The following PXK variants were observed in gnomAD, a reference collection of about 807,000 sequenced individuals.
PXK encodes the protein PX domain-containing protein kinase-like protein.
A neutral mutation model predicts 84.7 loss-of-function variants in PXK; 35 were observed. That is an observed-to-expected ratio of 0.41 (90% CI 0.32 to 0.55). PXK has a LOEUF of 0.55. Among genes scored for constraint, PXK ranks in the 20% least tolerant of loss-of-function variants. PXK has a pLI of 0.21. For synonymous variants in PXK, 253 were observed against 260.8 expected (o/e 0.97, Z 0.29); for missense variants, 634 against 699.7 (o/e 0.91, Z 1.06).
chr3:58,371,982 A>G (rs189098168), intron 3 of PXK, among the ~76,000 whole-genome samples: 6 of 152,342 alleles, frequency 3.9e-5, no homozygotes, highest in Non-Finnish European at 5.9e-5. Flanking sequence ...TCAGTGTCCA[A>G]TTACCCTTTT....
chr3:58,420,513 C>T (rs2061668639), intron 17 of PXK: 1 of 1,535,304 alleles, frequency 6.5e-7, no homozygotes, highest in South Asian at 1.2e-5. Flanking sequence ...CCCCCTTTCT[C>T]TCTCTCTCTT....
chr3:58,386,293 T>TTTTTTTTTTTTTTTG, intron 4 of PXK, among the ~76,000 whole-genome samples: 1 of 120,086 alleles, frequency 8.3e-6, no homozygotes, highest in Non-Finnish European at 1.7e-5. Context: ...CCCCTTACTT[T>TTTTTTTTTTTTTTTG]TTTTTTTTTT....
chr3:58,369,290 A>G (rs570294235), intron 2 of PXK, 141 bp from the exon 3 acceptor site: 24 of 552,234 alleles, frequency 4.3e-5, no homozygotes, highest in South Asian at 2.1e-4. Context: ...ACAGTTAAGC[A>G]CCAGGTATAA....
Position 58,333,065 on chromosome 3 carries a change from C to A in PXK, c.77C>A (p.Ala26Glu), listed in dbSNP as rs1335607183. ...GTGCCGCTGACAGCAGCCATCGAGG[C>A]GAGCCAGAGCCTGCAGTCCCACACG... is the stretch of plus-strand genomic sequence containing the variant. ...DTVPLTAAIE[A>E]SQSLQSHTEY... Residue 26 changes from alanine (A) to glutamate (E), a missense_variant, in exon 1 of 18, where the codon GCG becomes GAG. Physicochemically the swap from Ala to Glu is moderately radical, Grantham distance 107. This residue lies in a region of PXK where 353 missense variants were observed against 385.2 expected (regional missense o/e 0.92). Coordinates refer to ENST00000356151, the MANE Select transcript of PXK (RefSeq NM_017771.5). This position sits in a 1 kb window ranked among gnomAD's most constrained non-coding sequence, Gnocchi z 5.4. The A allele has an allele frequency of 2.5e-5, 33 of 1,327,486 alleles. No individual in the cohort carries two copies. Among genetic ancestry groups the A allele is most frequent in the Non-Finnish European group, 3.2e-5 (33 of 1,024,052 alleles). 82.2% of individuals were successfully genotyped at this position (1,327,486 alleles called of 1,614,324 possible).
chr3:58,336,891 C>A (rs773988052), intron 1 of PXK, among the ~76,000 whole-genome samples: 1 of 152,114 alleles, frequency 6.6e-6, no homozygotes, highest in Admixed American at 6.6e-5. Context: ...CTCACTGCAA[C>A]CTCCACCTCC....
At chr3:58,372,939 C>T (rs137998860) in intron 3 of PXK, among the ~76,000 whole-genome samples, 232 of 152,218 alleles carry the variant, frequency 1.5e-3, no homozygotes, top group African/African-American at 5.1e-3. Context: ...TCTAGGGAGA[C>T]AGCATACAAC....
chr3:58,343,948 G>T (rs760917392), intron 1 of PXK, among the ~76,000 whole-genome samples: 50 of 152,154 alleles, frequency 3.3e-4, no homozygotes, highest in Non-Finnish European at 2.9e-4. Flanking sequence ...TGCCTCAAAG[G>T]TACACTCATT....
chr3:58,381,779 A>G (rs1410328993), intron 3 of PXK, among the ~76,000 whole-genome samples: 2 of 152,118 alleles, frequency 1.3e-5, no homozygotes, highest in African/African-American at 4.8e-5. Flanking sequence ...ATCTACAGAT[A>G]ATGCCTAAAA....
intron 1 of PXK, among the ~76,000 whole-genome samples, chr3:58,351,658 A>G (rs1282797963): frequency 1.3e-5 from 2 of 152,154 alleles, no homozygotes; most frequent in Non-Finnish European, 2.9e-5. Flanking sequence ...AAAATAATTT[A>G]TGCTCATTGA....
chr3:58,420,620 G>A, intron 17 of PXK: 1 of 1,535,756 alleles, frequency 6.5e-7, no homozygotes, highest in Non-Finnish European at 8.7e-7. Context: ...CTGTTTCTGT[G>A]TGTGAAATAG....
At chr3:58,365,705 G>A (rs1175809649) in intron 1 of PXK, among the ~76,000 whole-genome samples, 169 bp from the exon 2 acceptor site, 2 of 152,098 alleles carry the variant, frequency 1.3e-5, no homozygotes, top group African/African-American at 4.8e-5. Context: ...TGTCTTCCTG[G>A]TAGATTACCC....
chr3:58,336,057 ATATATATATATATATTT>A (rs1261019352), intron 1 of PXK, among the ~76,000 whole-genome samples: 5 of 54,726 alleles, frequency 9.1e-5, no homozygotes, highest in East Asian at 4.4e-4. Context: ...ATATATATAT[ATATATATATATATATTT>A]TTTTTTTTTT....
In PXK at chr3:58,370,840, A is replaced by T. The variant is rs1166699268; in HGVS notation, c.201+1362A>T. Among the ~76,000 whole-genome samples, 1 of 151,656 alleles carries T rather than the reference A, an allele frequency of 6.6e-6. No homozygotes were observed. The highest frequency in any genetic ancestry group is 1.5e-5 in the Non-Finnish European group (1 of 67,848). ...ATGGCGAAACCCTGTCTCTACTAAA[A>T]ATACAAAAATTAGCTGGGTGTGGTG... On this transcript the variant is annotated intron_variant, in intron 3 of 17. Transcript: ENST00000356151. The surrounding 1 kb of genome is among the most constrained non-coding windows in gnomAD (Gnocchi z 4.2).
In PXK at chr3:58,332,944, G is replaced by C; in HGVS notation, c.-45G>C. 7.9e-7 allele frequency: 1 copy of C among 1,270,386 alleles called. No homozygotes were observed. 78.7% of individuals were successfully genotyped at this position (1,270,386 alleles called of 1,614,324 possible). On this transcript the variant is annotated 5_prime_UTR_variant, in exon 1 of 18. Transcript: ENST00000356151. This position sits in a 1 kb window ranked among gnomAD's most constrained non-coding sequence, Gnocchi z 5.6. ...CGGGCGGCGGGAGTCGGCGCCTCGG[G>C]TTCCTACCTCGCGTCCCTAGGCGGC...
chr3:58,336,071 A>ATATATATATATATATATTT (rs1284780630), intron 1 of PXK, among the ~76,000 whole-genome samples: 6 of 51,582 alleles, frequency 1.2e-4, no homozygotes, highest in Non-Finnish European at 1.6e-4. Flanking sequence ...ATATATATAT[A>ATATATATATATATATATTT]TTTTTTTTTT....
chr3:58,420,481 A>T, intron 17 of PXK: 1 of 1,527,104 alleles, frequency 6.5e-7, no homozygotes, highest in Non-Finnish European at 8.8e-7. Context: ...ATGACACTAA[A>T]ATCTGAATAA....
intron 1 of PXK, among the ~76,000 whole-genome samples, chr3:58,336,744 T>C (rs1386022923): frequency 1.3e-5 from 2 of 152,344 alleles, no homozygotes; most frequent in Middle Eastern, 3.4e-3. Context: ...AGCGCTGTTA[T>C]CAAATGTGCA....
intron 4 of PXK, among the ~76,000 whole-genome samples, chr3:58,387,080 A>T (rs898194872): frequency 4.6e-5 from 7 of 152,202 alleles, no homozygotes; most frequent in Non-Finnish European, 8.8e-5. Context: ...CCCTGCAGTC[A>T]TTCCATGGGG....
intron 17 of PXK, chr3:58,422,765 C>G: frequency 2.0e-6 from 2 of 985,370 alleles, no homozygotes; most frequent in Non-Finnish European, 2.4e-6. Context: ...AGGCCCGTCT[C>G]CAGCCCCCCA....
Sources: gnomAD v4.1 joint callset for allele counts (sites outside exome capture counted in the v4.1 genomes callset) on GRCh38, gnomAD v4.1.1 for gene constraint, gnomAD v4.1.1 regional missense constraint, Gnocchi (gnomAD v3.1) non-coding constraint, MANE v1.5 for transcripts, NCBI Gene and HGNC (gene_info 2026-07-23, HGNC 2026-07-21) for gene names.